Variants in ADAM2 observed in about 807,000 individuals in gnomAD.
ADAM2 encodes disintegrin and metalloproteinase domain-containing protein 2.
Under a neutral mutation model 99.3 loss-of-function variants are expected in ADAM2, and 101 were observed. The ratio of observed to expected loss-of-function variants is 1.02; its 90% CI spans 0.87 to 1.20. ADAM2 has a LOEUF of 1.20. Among genes scored for constraint, ADAM2 ranks in the 50% most tolerant of loss-of-function variants. The pLI is 0.00. For missense variants in ADAM2, 948 were observed against 878.7 expected (o/e 1.08, Z -1.00); for synonymous variants, 323 against 287.6 (o/e 1.12, Z -1.25).
intron 6 of ADAM2, among the ~76,000 whole-genome samples, chr8:39,813,533 A>G (rs775405669): frequency 1.3e-5 from 2 of 152,220 alleles, no homozygotes; most frequent in African/African-American, 2.4e-5. Context: ...ATGTCCATCA[A>G]TGACAGACTG....
intron 9 of ADAM2, among the ~76,000 whole-genome samples, chr8:39,787,305 A>G (rs1471777908): frequency 6.6e-6 from 1 of 151,646 alleles, no homozygotes; most frequent in Non-Finnish European, 1.5e-5. Context: ...AAAAAACTAA[A>G]ACAGAAAAAC....
At chr8:39,789,862 T>A (rs1247333856) in intron 7 of ADAM2, among the ~76,000 whole-genome samples, 6 of 151,526 alleles carry the variant, frequency 4.0e-5, no homozygotes, top group Non-Finnish European at 4.4e-5. Context: ...GCAACCTAAT[T>A]AAAACATGTG....
chr8:39,809,831 C>T (rs1158182374), intron 6 of ADAM2, among the ~76,000 whole-genome samples: 2 of 152,232 alleles, frequency 1.3e-5, no homozygotes, highest in South Asian at 4.1e-4. Context: ...CAAAAACATG[C>T]CAAATTGTAA....
chr8:39,795,384 T>C (rs1051452059), intron 7 of ADAM2, among the ~76,000 whole-genome samples: 5 of 152,160 alleles, frequency 3.3e-5, no homozygotes, highest in African/African-American at 4.8e-5. Context: ...TTAAGTCTGA[T>C]AAGAAACATT....
intron 12 of ADAM2, among the ~76,000 whole-genome samples, chr8:39,768,281 C>T (rs1802645349): frequency 6.6e-6 from 1 of 152,082 alleles, no homozygotes; most frequent in Non-Finnish European, 1.5e-5. Flanking sequence ...TTTTTAAAAA[C>T]ATATCACATA....
intron 6 of ADAM2, among the ~76,000 whole-genome samples, chr8:39,810,641 C>T (rs1238703771): frequency 1.3e-5 from 2 of 152,232 alleles, no homozygotes; most frequent in Non-Finnish European, 2.9e-5. Flanking sequence ...CACTCAAAAC[C>T]ACTCAACTAC....
chr8:39,749,659 C>T lies in ADAM2; in HGVS notation c.1875+8G>A, dbSNP rs746698799. 1.2e-4 allele frequency: 191 copies of T among 1,605,520 alleles called. No homozygotes were observed. In the Admixed American group the frequency reaches 1.5e-3, roughly 12 times the overall value. ...TTTCTATTTTCACCTCATAGTACTG[C>T]TACTTACACCTCTATCATTGCATTT... is the stretch of plus-strand genomic sequence containing the variant. On this transcript the variant is annotated splice_region_variant and intron_variant, in intron 17 of 20. Transcript: ENST00000265708.
chr8:39,804,669 C>T (rs899651906), intron 7 of ADAM2, among the ~76,000 whole-genome samples: 1 of 151,858 alleles, frequency 6.6e-6, no homozygotes, highest in African/African-American at 2.4e-5. Context: ...GTTACGTTGA[C>T]ATTAAAATTA....
chr8:39,746,331 G>A lies in ADAM2; in HGVS notation c.2174+141C>T, dbSNP rs540682963. ...CGTGAGCCACCACCCCTGGCCATTAGTTATTAATATATGAGTTATTAAATT... is the reference window on the plus strand; with the variant it reads ...CGTGAGCCACCACCCCTGGCCATTAATTATTAATATATGAGTTATTAAATT... On this transcript the variant is annotated intron_variant, in intron 19 of 20. Transcript: ENST00000265708. The A allele has an allele frequency of 1.8e-5, 11 of 610,660 alleles. No homozygotes were observed. The African/African-American group carries it at 2.1e-4, about 12-fold the overall frequency. The allele number at this position is 610,660 out of a possible 1,614,324, so 37.8% of individuals were successfully genotyped here.
At chr8:39,810,880 G>A (rs1169623124) in intron 6 of ADAM2, among the ~76,000 whole-genome samples, 1 of 151,958 alleles carries the variant, frequency 6.6e-6, no homozygotes, top group Non-Finnish European at 1.5e-5. Context: ...AAGAACTAGA[G>A]AAGCAAGAGC....
chr8:39,788,150 G>T lies in ADAM2; in HGVS notation c.744C>A (p.His248Gln), dbSNP rs1405499723. 3.1e-6 allele frequency: 5 copies of T among 1,588,698 alleles called. No individual in the cohort carries two copies. Among genetic ancestry groups the T allele is most frequent in the Non-Finnish European group, 4.3e-6 (5 of 1,168,128 alleles). Residue 248 changes from histidine to glutamine, a missense_variant, in exon 9 of 21, where the codon CAC becomes CAA. By Grantham distance (24) the His-to-Gln change is conservative. Transcript: ENST00000265708. ...ATTGEANELL[H>Q]TFLRWKTSYL... ...AAGATGTTTTCCATCTTAAAAATGTGTGTAATAACTCATTAGCTTCTCCAG... is the reference window on the plus strand; with the variant it reads ...AAGATGTTTTCCATCTTAAAAATGTTTGTAATAACTCATTAGCTTCTCCAG...
chr8:39,823,077 T>C (rs1297586317), intron 4 of ADAM2, among the ~76,000 whole-genome samples: 1 of 152,178 alleles, frequency 6.6e-6, no homozygotes. Context: ...TGAGGTCTGT[T>C]TTTATGTGCA....
chr8:39,767,061 A>C lies in ADAM2; in HGVS notation c.1312-18T>G. ...GACATAAACTGATGGGATGAGGTAA[A>C]TGATATTGAATTAAGCAGAATGAGA... On this transcript the variant is annotated intron_variant, in intron 13 of 20. Coordinates refer to ENST00000265708, the MANE Select transcript of ADAM2 (RefSeq NM_001464.5). The C allele has an allele frequency of 6.2e-7, 1 of 1,608,892 alleles. No homozygotes were observed. Among genetic ancestry groups the C allele is most frequent in the Non-Finnish European group, 8.5e-7 (1 of 1,175,684 alleles).
At position 39,808,731 on chromosome 8, in the gene ADAM2, T is replaced by C. The variant is rs535504668; in HGVS notation, c.570+679A>G. Among the ~76,000 whole-genome samples, 242 of 152,064 alleles carry C rather than the reference T, an allele frequency of 1.6e-3. 2 individuals carry two copies. The highest frequency in any genetic ancestry group is 5.5e-3 in the African/African-American group (229 of 41,502). On this transcript the variant is annotated intron_variant, in intron 7 of 20. Coordinates refer to ENST00000265708, the MANE Select transcript of ADAM2 (RefSeq NM_001464.5). ...AAGAGATCGAGACCATCCTGGCCAA[T>C]GTGGTGAAACCCCGTCTCTACTAAA...
chr8:39,762,247 C>T (rs751483440), intron 14 of ADAM2, among the ~76,000 whole-genome samples: 2 of 152,180 alleles, frequency 1.3e-5, no homozygotes, highest in Non-Finnish European at 2.9e-5. Context: ...AGTGGACAGA[C>T]TCAGATCTCA....
At chr8:39,779,298 C>G (rs1369090771) in intron 10 of ADAM2, among the ~76,000 whole-genome samples, 2 of 152,044 alleles carry the variant, frequency 1.3e-5, no homozygotes, top group Non-Finnish European at 2.9e-5. Context: ...TCTTGCTGGC[C>G]TTTCCTCTAT....
chr8:39,816,388 A>G (rs1348947972), intron 6 of ADAM2, among the ~76,000 whole-genome samples: 1 of 152,204 alleles, frequency 6.6e-6, no homozygotes, highest in Non-Finnish European at 1.5e-5. Flanking sequence ...GCCACATTGG[A>G]CAAATAATCT....
Position 39,766,897 on chromosome 8 carries a change from A to G in ADAM2, c.1458T>C (p.Asp486=). The G allele has an allele frequency of 1.2e-6, 2 of 1,613,998 alleles. No homozygotes were observed. The highest frequency in any genetic ancestry group is 2.2e-5 in the East Asian group (1 of 44,874). ...GTTTATCCCCACTCATACAAACTCC[A>G]TCTATACAGATCCATTGATTCAGTC... is the stretch of plus-strand genomic sequence containing the variant. ...PCGLNQWICI[D]GVCMSGDKQC... Residue 486 remains aspartate, a synonymous_variant, in exon 14 of 21, where the codon GAT becomes GAC. Transcript: ENST00000265708.
At chr8:39,804,355 T>C (rs912449495) in intron 7 of ADAM2, among the ~76,000 whole-genome samples, 20 of 151,920 alleles carry the variant, frequency 1.3e-4, no homozygotes, top group Admixed American at 1.2e-3. Flanking sequence ...CATGAAACCA[T>C]AGGATATGTG....
Sources: allele counts gnomAD v4.1 joint callset (sites outside exome capture counted in the v4.1 genomes callset), GRCh38; gene constraint gnomAD v4.1.1; transcripts MANE v1.5; gene names NCBI Gene and HGNC (gene_info 2026-07-23, HGNC 2026-07-21).